The following GRAMD1B variants were observed in gnomAD, a reference collection of about 807,000 sequenced individuals.
The protein encoded by GRAMD1B is protein Aster-B.
GRAMD1B carries 37 observed loss-of-function variants against 99.7 expected under a neutral mutation model. That is an observed-to-expected ratio of 0.37 (90% CI 0.29 to 0.49). The LOEUF (loss-of-function observed/expected upper bound fraction) is 0.49, where lower values mean the gene tolerates loss of function less well. Ranked by LOEUF, GRAMD1B falls within the 20% of genes least tolerant of loss-of-function variation. GRAMD1B has a pLI of 0.98. For missense variants in GRAMD1B, 888 were observed against 1,009.2 expected, an observed-to-expected ratio of 0.88 and a Z score of 1.63; for synonymous variants, 427 against 387.6, an observed-to-expected ratio of 1.10 and a Z score of -1.19.
At chr11:123,516,874 A>G (rs1265384628) in intron 2 of GRAMD1B, among the ~76,000 whole-genome samples, 2 of 152,224 alleles carry the variant, frequency 1.3e-5, no homozygotes, top group East Asian at 1.9e-4. Context: ...TAACTTTGAA[A>G]TATCATTGTG....
At chr11:123,375,396 T>TA (rs1404511997) in intron 1 of GRAMD1B, among the ~76,000 whole-genome samples, 9 of 151,524 alleles carry the variant, frequency 5.9e-5, no homozygotes, top group Admixed American at 5.9e-4. Context: ...TGGTTTCTAT[T>TA]AAATAAAAAA....
intron 1 of GRAMD1B, among the ~76,000 whole-genome samples, chr11:123,384,560 G>T (rs1946995184): frequency 6.6e-6 from 1 of 152,086 alleles, no homozygotes; most frequent in South Asian, 2.1e-4. Context: ...TCTTCCTGTT[G>T]CTCCTCCTGT....
At chr11:123,593,511 T>C (rs556511920) in intron 4 of GRAMD1B, among the ~76,000 whole-genome samples, 1 of 152,264 alleles carries the variant, frequency 6.6e-6, no homozygotes, top group African/African-American at 2.4e-5. Flanking sequence ...AGAGGGGAGT[T>C]GGATGCCTCT....
At chr11:123,408,064 T>C (rs1040381231) in intron 1 of GRAMD1B, among the ~76,000 whole-genome samples, 1 of 152,228 alleles carries the variant, frequency 6.6e-6, no homozygotes, top group East Asian at 1.9e-4. Flanking sequence ...GAAAGTGGCC[T>C]TTTGGAGCCT....
intron 1 of GRAMD1B, among the ~76,000 whole-genome samples, chr11:123,455,503 C>G (rs747593367): frequency 3.3e-5 from 5 of 152,188 alleles, no homozygotes; most frequent in Non-Finnish European, 5.9e-5. Context: ...GATATGCATT[C>G]CACTCAATTG....
intron 16 of GRAMD1B, among the ~76,000 whole-genome samples, chr11:123,614,222 A>G (rs1487966386): frequency 6.6e-6 from 1 of 152,208 alleles, no homozygotes; most frequent in East Asian, 1.9e-4. Context: ...TGGACAGGGG[A>G]GGCAGAAGAA....
intron 2 of GRAMD1B, among the ~76,000 whole-genome samples, chr11:123,531,728 T>TG (rs1214618941): frequency 7.9e-6 from 1 of 126,720 alleles, no homozygotes; most frequent in Non-Finnish European, 1.6e-5. Flanking sequence ...TATTGCTAGA[T>TG]GGTTTTTTTT....
intron 19 of GRAMD1B, among the ~76,000 whole-genome samples, chr11:123,621,865 C>T (rs1955151979): frequency 1.3e-5 from 1 of 78,198 alleles, no homozygotes; most frequent in African/African-American, 4.6e-5. Context: ...GTCTTTCTTT[C>T]TTTTCTTTCT....
At chr11:123,573,282 T>C (rs1948361984) in intron 2 of GRAMD1B, among the ~76,000 whole-genome samples, 1 of 152,190 alleles carries the variant, frequency 6.6e-6, no homozygotes, top group Non-Finnish European at 1.5e-5. Flanking sequence ...AGTCTAGAGT[T>C]CAGGTTTTAT....
chr11:123,612,670 C>T (rs1047520343), intron 14 of GRAMD1B, 91 bp from the exon 15 acceptor site: 44 of 739,470 alleles, frequency 6.0e-5, no homozygotes, highest in Non-Finnish European at 1.0e-4. Context: ...AAATGTGAAG[C>T]GGATCTGGCC....
chr11:123,550,087 T>C (rs1945461366), intron 2 of GRAMD1B, among the ~76,000 whole-genome samples: 1 of 152,118 alleles, frequency 6.6e-6, no homozygotes, highest in African/African-American at 2.4e-5. Context: ...TGCCATCCTA[T>C]GGAAAGAGAA....
intron 1 of GRAMD1B, among the ~76,000 whole-genome samples, chr11:123,404,430 G>A (rs1947783630): frequency 6.6e-6 from 1 of 152,192 alleles, no homozygotes; most frequent in African/African-American, 2.4e-5. Context: ...TCCTTTATTT[G>A]ACTGTTTTCA....
intron 1 of GRAMD1B, among the ~76,000 whole-genome samples, chr11:123,475,888 T>G (rs1382529353): frequency 6.6e-6 from 1 of 152,136 alleles, no homozygotes; most frequent in Admixed American, 6.6e-5. Context: ...GTTGCTCTTT[T>G]CATGGTCTCC....
Position 123,614,843 on chromosome 11 carries a change from A to T in GRAMD1B, c.2318+8A>T, listed in dbSNP as rs1274936574. On this transcript the variant is annotated splice_region_variant and intron_variant, in intron 17 of 19. Coordinates refer to ENST00000635736, the MANE Select transcript of GRAMD1B (RefSeq NM_001387025.1). The stretch of plus-strand genomic sequence containing the variant: ...GCTGGTTATCAGCTGTGTGTAAGGG[A>T]TTCTAGGTTTTCCTATCCTGCCCTC... 6.4e-6 allele frequency: 10 copies of T among 1,571,734 alleles called. No homozygotes were observed. Among genetic ancestry groups the T allele is most frequent in the Non-Finnish European group, 7.9e-6 (9 of 1,143,482 alleles).
intron 2 of GRAMD1B, among the ~76,000 whole-genome samples, chr11:123,541,623 A>G (rs1944539866): frequency 6.6e-6 from 1 of 151,444 alleles, no homozygotes; most frequent in Admixed American, 6.6e-5. Context: ...AAAGATATTA[A>G]CCTTTGGTAA....
chr11:123,554,914 G>C (rs933709739), intron 2 of GRAMD1B, among the ~76,000 whole-genome samples: 1 of 152,336 alleles, frequency 6.6e-6, no homozygotes, highest in Admixed American at 6.5e-5. Context: ...TTATTGGAGA[G>C]GGTGTGGCCA....
chr11:123,379,488 C>G (rs1014923419), intron 1 of GRAMD1B, among the ~76,000 whole-genome samples: 22 of 152,104 alleles, frequency 1.4e-4, no homozygotes, highest in African/African-American at 5.3e-4. Flanking sequence ...AAAGTTCATC[C>G]ATGTTTTAGC....
At chr11:123,435,947 T>A (rs1227729029) in intron 1 of GRAMD1B, among the ~76,000 whole-genome samples, 2 of 144,934 alleles carry the variant, frequency 1.4e-5, no homozygotes, top group African/African-American at 5.1e-5. Context: ...CTTTTTTTTT[T>A]TTTTTTTTTT....
At chr11:123,463,965 A>G (rs1950549601) in intron 1 of GRAMD1B, among the ~76,000 whole-genome samples, 1 of 152,140 alleles carries the variant, frequency 6.6e-6, no homozygotes, top group Admixed American at 6.6e-5. Flanking sequence ...ATGACATTAT[A>G]GGAAGACTTC....
Sources: gnomAD v4.1 joint callset for allele counts (sites outside exome capture counted in the v4.1 genomes callset) on GRCh38, gnomAD v4.1.1 for gene constraint, MANE v1.5 for transcripts, NCBI Gene and HGNC (gene_info 2026-07-23, HGNC 2026-07-21) for gene names.